TRHDE: variants seen among roughly 807,000 people sequenced by gnomAD.
TRHDE encodes thyrotropin-releasing hormone-degrading ectoenzyme.
TRHDE carries 72 observed loss-of-function variants against 125.7 expected under a neutral mutation model. That is an observed-to-expected ratio of 0.57 (90% CI 0.47 to 0.70). TRHDE has a LOEUF of 0.70. Ranked by LOEUF, TRHDE falls within the 30% of genes least tolerant of loss-of-function variation. The pLI, the probability that TRHDE is intolerant of heterozygous loss-of-function variation, is 0.00. For missense variants in TRHDE, 1,110 were observed against 1,327.1 expected (o/e 0.84, Z 2.54); for synonymous variants, 509 against 509.1 (o/e 1.00, Z 0.00).
At chr12:72,155,563 G>T (rs562911074) in intron 2 of TRHDE, among the ~76,000 whole-genome samples, 30 of 152,200 alleles carry the variant, frequency 2.0e-4, no homozygotes, top group Admixed American at 1.2e-3. Flanking sequence ...TGTACAAATG[G>T]GGTTTTGGTG....
At chr12:72,402,600 A>G (rs1205792953) in intron 3 of TRHDE, among the ~76,000 whole-genome samples, 3 of 152,174 alleles carry the variant, frequency 2.0e-5, no homozygotes, top group African/African-American at 7.2e-5. Flanking sequence ...GGCCCACCCT[A>G]ATGATATCAT....
At chr12:72,114,038 G>C in intron 2 of TRHDE, among the ~76,000 whole-genome samples, 1 of 151,468 alleles carries the variant, frequency 6.6e-6, no homozygotes, top group South Asian at 2.1e-4. Flanking sequence ...GTCTTTCTCT[G>C]GTTGGTTTTC....
chr12:72,623,096 C>T (rs893777439), intron 15 of TRHDE, among the ~76,000 whole-genome samples: 3 of 151,462 alleles, frequency 2.0e-5, no homozygotes, highest in South Asian at 2.1e-4. Flanking sequence ...CTATTTTTAC[C>T]ACCTCCTTCA....
chr12:72,469,694 G>A (rs1420719204), intron 3 of TRHDE, 64 bp from the exon 4 acceptor site: 1 of 1,531,244 alleles, frequency 6.5e-7, no homozygotes, highest in Non-Finnish European at 8.9e-7. Context: ...ACACTTTTTA[G>A]GATATAAATT....
chr12:72,187,654 T>C (rs1877254847), intron 2 of TRHDE, among the ~76,000 whole-genome samples: 1 of 152,156 alleles, frequency 6.6e-6, no homozygotes, highest in South Asian at 2.1e-4. Flanking sequence ...CTATCTTCTC[T>C]AGTCAGTATA....
intron 2 of TRHDE, among the ~76,000 whole-genome samples, chr12:72,297,934 A>G (rs561820078): frequency 8.5e-5 from 13 of 152,190 alleles, no homozygotes; most frequent in Non-Finnish European, 1.5e-4. Flanking sequence ...TTAATGGAGG[A>G]GCTTATAGAA....
In TRHDE at chr12:72,557,497, C is replaced by T. The variant is rs192687555; in HGVS notation, c.1789-4668C>T. On this transcript the variant is annotated intron_variant, in intron 7 of 18. Coordinates refer to ENST00000261180, the MANE Select transcript of TRHDE (RefSeq NM_013381.3). ...CCATATGGTTTTTATGGAATCATCC[C>T]TTTATGTCTCAAGGAGTAAACCATT... Among the ~76,000 whole-genome samples the T allele has an allele frequency of 6.6e-4, 101 of 152,270 alleles. 1 individual carries two copies. The highest frequency in any genetic ancestry group is 2.3e-3 in the African/African-American group (97 of 41,556).
chr12:72,396,201 G>A (rs1308324386), intron 3 of TRHDE, among the ~76,000 whole-genome samples: 2 of 152,128 alleles, frequency 1.3e-5, no homozygotes, highest in African/African-American at 4.8e-5. Flanking sequence ...CCTGTTTTAA[G>A]CAAATAAGAA....
chr12:72,430,380 C>CGT (rs1874411161), intron 3 of TRHDE, among the ~76,000 whole-genome samples: 1 of 139,602 alleles, frequency 7.2e-6, no homozygotes, highest in Non-Finnish European at 1.5e-5. Flanking sequence ...CGTATATATA[C>CGT]ATGTATATAT....
intron 2 of TRHDE, among the ~76,000 whole-genome samples, chr12:72,329,516 T>A (rs1869487967): frequency 6.6e-6 from 1 of 152,206 alleles, no homozygotes; most frequent in Non-Finnish European, 1.5e-5. Context: ...TTAAAGTGGG[T>A]GTTGTATAAC....
intron 3 of TRHDE, among the ~76,000 whole-genome samples, chr12:72,453,017 C>G (rs1462041886): frequency 6.6e-6 from 1 of 152,146 alleles, no homozygotes; most frequent in Non-Finnish European, 1.5e-5. Flanking sequence ...TGGTACTAAG[C>G]AGTGGGGCAT....
intron 10 of TRHDE, among the ~76,000 whole-genome samples, chr12:72,573,132 A>G (rs1330385445): frequency 1.3e-5 from 2 of 152,006 alleles, no homozygotes; most frequent in Middle Eastern, 3.5e-3. Flanking sequence ...TTCTGCCTTC[A>G]AGGTTGCTAA....
chr12:72,091,487 A>G (rs1874789377), intron 1 of TRHDE, among the ~76,000 whole-genome samples: 1 of 152,220 alleles, frequency 6.6e-6, no homozygotes, highest in African/African-American at 2.4e-5. Flanking sequence ...GTTCAAAGGT[A>G]ACTATAGTGG....
At chr12:72,089,655 T>C (rs2139281379) in intron 1 of TRHDE, among the ~76,000 whole-genome samples, 1 of 152,322 alleles carries the variant, frequency 6.6e-6, no homozygotes, top group East Asian at 1.9e-4. Context: ...CATTTAACAA[T>C]GCACCACTTA....
At chr12:72,113,339 TAGTGGCTGGG>T (rs1875364981) in intron 2 of TRHDE, among the ~76,000 whole-genome samples, 1 of 151,968 alleles carries the variant, frequency 6.6e-6, no homozygotes, top group Non-Finnish European at 1.5e-5. Context: ...AATTTGCAGT[TAGTGGCTGGG>T]TGCAGTGGCT....
Position 72,562,242 on chromosome 12 carries a change from G to A in TRHDE, c.1854+12G>A. The A allele has an allele frequency of 6.7e-7, 1 of 1,492,504 alleles. No homozygotes were observed. Among genetic ancestry groups the A allele is most frequent in the East Asian group, 2.3e-5 (1 of 43,808 alleles). 92.5% of individuals were successfully genotyped at this position (1,492,504 alleles called of 1,614,324 possible). A position where few individuals can be genotyped will look rare whatever the true frequency, so the allele number is the denominator to read the frequency against. ...ATACATTATCGGAGGTAAAGTATAG[G>A]AAGCTTAAATATCAAAACCTCTACT... is the stretch of plus-strand genomic sequence containing the variant. On this transcript the variant is annotated intron_variant, in intron 8 of 18. Transcript: ENST00000261180.
intron 1 of TRHDE, among the ~76,000 whole-genome samples, chr12:72,088,442 T>G (rs954940569): frequency 2.6e-5 from 4 of 152,110 alleles, no homozygotes; most frequent in Non-Finnish European, 5.9e-5. Flanking sequence ...AGAGGTATAT[T>G]AAAAACCTAA....
intron 2 of TRHDE, among the ~76,000 whole-genome samples, chr12:72,352,489 A>G (rs1021180191): frequency 1.6e-4 from 25 of 151,802 alleles, no homozygotes; most frequent in African/African-American, 5.6e-4. Context: ...TTTTATATGA[A>G]ATATACTTTT....
chr12:72,310,998 A>G (rs938491309), intron 2 of TRHDE, among the ~76,000 whole-genome samples: 7 of 152,056 alleles, frequency 4.6e-5, no homozygotes, highest in Non-Finnish European at 8.8e-5. Context: ...ATTAGTTTTT[A>G]TTAAAGCCAG....
Sources: allele counts gnomAD v4.1 joint callset (sites outside exome capture counted in the v4.1 genomes callset), GRCh38; gene constraint gnomAD v4.1.1; transcripts MANE v1.5; gene names NCBI Gene and HGNC (gene_info 2026-07-23, HGNC 2026-07-21).